SMPD4: variants seen among roughly 807,000 people sequenced by gnomAD.
The protein encoded by SMPD4 is neutral sphingomyelinase 3.
SMPD4 carries 58 observed loss-of-function variants against 97.8 expected under a neutral mutation model. The observed-to-expected ratio is 0.59, with a 90% CI of 0.48 to 0.74. SMPD4 has a LOEUF of 0.74. SMPD4 is among the 30% of genes least tolerant of loss of function. SMPD4 has a pLI of 0.00. For missense variants in SMPD4, 853 were observed against 1,080.5 expected, an observed-to-expected ratio of 0.79 and a Z score of 2.95; for synonymous variants, 388 against 450.0, an observed-to-expected ratio of 0.86 and a Z score of 1.74.
Position 130,177,352 on chromosome 2 carries a change from G to T in SMPD4, c.-45-715C>A, listed in dbSNP as rs530292674. On this transcript the variant is annotated intron_variant, in intron 1 of 19. Coordinates refer to ENST00000680298, the MANE Select transcript of SMPD4 (RefSeq NM_017951.5). ...CCGCCTCAGCCTCCCAAAGTGCTGG[G>T]ATTACAGGTGTGAGCCAACACGCCT... Among the ~76,000 whole-genome samples, 11 of 152,208 alleles carry T rather than the reference G, an allele frequency of 7.2e-5. No homozygotes were observed. The South Asian group carries it at 2.3e-3, about 31-fold the overall frequency.
At chr2:130,181,269 G>A in intron 1 of SMPD4, 8 of 1,367,624 alleles carry the variant, frequency 5.8e-6, no homozygotes, top group Non-Finnish European at 7.5e-6. Context: ...TTCCTTCAAC[G>A]AAGGTTAACC....
chr2:130,158,263 G>T (rs1371598687), intron 11 of SMPD4: 1 of 1,287,012 alleles, frequency 7.8e-7, no homozygotes, highest in South Asian at 1.2e-5. Context: ...GTTGCCCAGG[G>T]ACCTGTGGTC....
upstream of SMPD4, chr2:130,181,722 G>A (rs745691204): frequency 3.9e-6 from 6 of 1,549,120 alleles, no homozygotes; most frequent in Non-Finnish European, 4.4e-6. Context: ...AAGAGAAATG[G>A]CGAGGCAGGA....
Position 130,155,195 on chromosome 2 carries a change from C to T in SMPD4, c.1354G>A (p.Ala452Thr), listed in dbSNP as rs138491461. ...GGGCTGACCAGGTCTGTGCGGAGCG[C>T]GCGGTTCAGAAAGCCCACAAACAAC... ...TKLFVGFLNR[A>T]LRTDLVSPKH... Residue 452 changes from alanine (A) to threonine (T), a missense_variant, in exon 15 of 20, where the codon GCG (alanine) becomes ACG (threonine). Ala to Thr is a moderately conservative substitution (Grantham distance 58, BLOSUM62 0). This residue lies in a region of SMPD4 where 511 missense variants were observed against 608.1 expected (regional missense o/e 0.84). Transcript: ENST00000680298. 1.2e-5 allele frequency: 20 copies of T among 1,614,044 alleles called. No homozygotes were observed. Among genetic ancestry groups the T allele is most frequent in the African/African-American group, 4.0e-5 (3 of 74,944 alleles).
intron 15 of SMPD4, 97 bp downstream of exon 15, chr2:130,154,999 G>A: frequency 6.7e-7 from 1 of 1,486,648 alleles, no homozygotes; most frequent in Non-Finnish European, 9.1e-7. Context: ...CTCTGGGCGT[G>A]TGGGTCCCTC....
chr2:130,160,529 C>A (rs1241396379), intron 11 of SMPD4, among the ~76,000 whole-genome samples: 2 of 152,232 alleles, frequency 1.3e-5, no homozygotes, highest in Non-Finnish European at 2.9e-5. Context: ...GCCTAGGCAG[C>A]TGCAACCTCT....
At chr2:130,175,652 T>C (rs1688919360) in intron 2 of SMPD4, among the ~76,000 whole-genome samples, 1 of 152,188 alleles carries the variant, frequency 6.6e-6, no homozygotes, top group South Asian at 2.1e-4. Context: ...ATCTACCTAG[T>C]CGTGGGATGT....
chr2:130,151,655 G>A lies in SMPD4; in HGVS notation c.*900C>T, dbSNP rs1342239695. ...GGGTGAATGAAGGTGAAGACCCCGT[G>A]CTGGTTTCTGTCAGAGAATCTGTAG... is the stretch of plus-strand genomic sequence containing the variant. On this transcript the variant is annotated 3_prime_UTR_variant, in exon 20 of 20. Transcript: ENST00000680298. 6.7e-6 allele frequency: 1 copy of A among 148,268 alleles called. No individual in the cohort carries two copies. The highest frequency in any genetic ancestry group is 2.2e-4 in the South Asian group (1 of 4,518). 9.2% of individuals were successfully genotyped at this position (148,268 alleles called of 1,614,324 possible). A position where few individuals can be genotyped will look rare whatever the true frequency, so the allele number is the denominator to read the frequency against.
chr2:130,154,394 C>T lies in SMPD4; in HGVS notation c.1542G>A (p.Leu514=). The change falls in exon 16 of 20, where the codon CTG becomes CTA. Residue 514 remains leucine (L), a synonymous_variant. Transcript: ENST00000680298. The part of the protein sequence containing the change: ...FTAPTFTGSF[L]SPWPPAVTDA... ...CAGTGACCGCTGGTGGCCAGGGTGA[C>T]AGGAAGCTCCCAGTGAATGTGGGGG... 6.2e-7 allele frequency: 1 copy of T among 1,605,484 alleles called. No individual in the cohort carries two copies. Among genetic ancestry groups the T allele is most frequent in the South Asian group, 1.1e-5 (1 of 89,694 alleles).
intron 8 of SMPD4, among the ~76,000 whole-genome samples, chr2:130,171,389 C>T (rs1688451522): frequency 6.6e-6 from 1 of 152,062 alleles, no homozygotes; most frequent in Non-Finnish European, 1.5e-5. Context: ...AGGCATCAGT[C>T]ACCACTCCCA....
chr2:130,153,059 G>A lies in SMPD4; in HGVS notation c.2138C>T (p.Ser713Phe). Residue 713 changes from serine to phenylalanine, a missense_variant, in exon 19 of 20, where the codon TCT becomes TTT. By Grantham distance (155) the Ser-to-Phe change is radical. This residue lies in a region of SMPD4 where 511 missense variants were observed against 608.1 expected (regional missense o/e 0.84). Coordinates refer to ENST00000680298, the MANE Select transcript of SMPD4 (RefSeq NM_017951.5). The part of the protein sequence containing the change: ...SLVRTLFRLS[S>F]AINHRFAGQM... ...CCCACTCACTCTGTGGTTGATGGCA[G>A]ACGACAGCCTAAAGAGTGTGCGGAC... 2.5e-6 allele frequency: 4 copies of A among 1,611,814 alleles called. No homozygotes were observed. In the South Asian group the frequency reaches 3.3e-5, roughly 13 times the overall value.
chr2:130,170,983 C>T (rs1178260341), intron 8 of SMPD4, among the ~76,000 whole-genome samples: 2 of 151,852 alleles, frequency 1.3e-5, no homozygotes. Flanking sequence ...ATCACTTGAA[C>T]CCAGGAGATG....
chr2:130,167,729 C>T, intron 8 of SMPD4, 139 bp from the exon 9 acceptor site: 4 of 768,256 alleles, frequency 5.2e-6, no homozygotes, highest in Non-Finnish European at 8.1e-6. Context: ...ATGCACACCT[C>T]CCCCCAGCCC....
rs1573724271 is a variant in SMPD4 at position 130,173,541 on chromosome 2, C to T, written c.242G>A (p.Ser81Asn). 1.2e-6 allele frequency: 2 copies of T among 1,610,948 alleles called. No individual in the cohort carries two copies. Among genetic ancestry groups the T allele is most frequent in the Non-Finnish European group, 8.5e-7 (1 of 1,178,018 alleles). Residue 81 changes from serine (S) to asparagine (N), a missense_variant, in exon 4 of 20, where the codon AGC becomes AAC. Transcript: ENST00000680298. ...LQGRVNPVEY[S>N]IVMEFLDPGG... ...AGGGTCGAGAAATTCCATCACGATG[C>T]TGTACTCCACAGGATTCACGCGCCC...
rs542536669 is a variant in SMPD4, at chr2:130,170,951, C to T, written c.659+1398G>A. ...TGACCTGTGCCTGTAATCCCAGCTA[C>T]TTGCGAGGCTGAGGTGGGAGAATCA... On this transcript the variant is annotated intron_variant, in intron 8 of 19. Transcript: ENST00000680298. 7.2e-5 allele frequency among the ~76,000 whole-genome samples: 11 copies of T among 151,946 alleles called. No individual in the cohort carries two copies. The South Asian group carries it at 1.7e-3, about 23-fold the overall frequency.
In SMPD4 at chr2:130,173,616, A is replaced by G; in HGVS notation, c.167T>C (p.Phe56Ser). The G allele has an allele frequency of 6.2e-7, 1 of 1,613,866 alleles. No homozygotes were observed. The highest frequency in any genetic ancestry group is 8.5e-7 in the Non-Finnish European group (1 of 1,179,854). ...TIFPWLVESI[F>S]GSLDGVLVGW... Reference sequence around the variant, plus strand: ...AACGAGGACACCATCTAGGCTGCCAAAAATGCTTTCTACCAGCCATGGGAA... The same window carrying G: ...AACGAGGACACCATCTAGGCTGCCAGAAATGCTTTCTACCAGCCATGGGAA... Residue 56 changes from phenylalanine to serine, a missense_variant, in exon 4 of 20, where the codon TTT (phenylalanine) becomes TCT (serine). Physicochemically the swap from Phe to Ser is radical, Grantham distance 155. Around this residue, in one of 3 missense-constraint regions of SMPD4, gnomAD observed 313 missense variants for 402.2 expected, o/e 0.78. Transcript: ENST00000680298.
At chr2:130,180,148 A>C (rs1689401188) in intron 1 of SMPD4, among the ~76,000 whole-genome samples, 1 of 145,300 alleles carries the variant, frequency 6.9e-6, no homozygotes, top group East Asian at 2.1e-4. Context: ...TTGTATTTTT[A>C]GTAGACAGGG....
Position 130,155,100 on chromosome 2 carries a change from C to T in SMPD4, c.1449G>A (p.Gln483=). The stretch of plus-strand genomic sequence containing the variant: ...TGGCCCAGGCTGAGGACTTACCTTT[C>T]TGAATCATCTCAGCCAGGTTGGGCT... ...FAQPNLAEMI[Q]KGEQLFLEPE... The change falls in exon 15 of 20, where the codon CAG becomes CAA. Residue 483 remains glutamine (Q), a synonymous_variant. Transcript: ENST00000680298. The T allele has an allele frequency of 1.9e-6, 3 of 1,614,136 alleles. No individual in the cohort carries two copies. Among genetic ancestry groups the T allele is most frequent in the South Asian group, 2.2e-5 (2 of 91,084 alleles).
chr2:130,178,886 A>T (rs1220389419), intron 1 of SMPD4, among the ~76,000 whole-genome samples: 1 of 152,134 alleles, frequency 6.6e-6, no homozygotes, highest in Non-Finnish European at 1.5e-5. Context: ...GAAATGAAAA[A>T]TGCTCAGACC....
Sources: allele counts gnomAD v4.1 joint callset (sites outside exome capture counted in the v4.1 genomes callset), GRCh38; gene constraint gnomAD v4.1.1; regional missense constraint gnomAD v4.1.1; transcripts MANE v1.5; gene names NCBI Gene and HGNC (gene_info 2026-07-23, HGNC 2026-07-21).